The following RELT variants were observed in gnomAD, a reference collection of about 807,000 sequenced individuals.
RELT encodes the protein RELT TNF receptor, also known as tumor necrosis factor receptor superfamily member 19L.
Under a neutral mutation model 51.1 loss-of-function variants are expected in RELT, and 37 were observed. The observed-to-expected ratio is 0.72, with a 90% CI of 0.56 to 0.95. The LOEUF (loss-of-function observed/expected upper bound fraction) is 0.95, where lower values mean the gene tolerates loss of function less well. Ranked by LOEUF, RELT falls within the 40% of genes least tolerant of loss-of-function variation. The probability of loss-of-function intolerance (pLI) is 0.00; values close to 1 mark genes in which losing one functional copy is unlikely to be tolerated. For missense variants in RELT, 535 were observed against 572.6 expected (o/e 0.93, Z 0.67); for synonymous variants, 241 against 235.7 (o/e 1.02, Z -0.21).
Position 73,377,430 on chromosome 11 carries a change from C to T in RELT, c.-26+931C>T, listed in dbSNP as rs1033125102. Reference sequence around the variant, plus strand: ...CTCCAGGACTGTCCCCACGAGGGCACCCCTCAGGAGTTCAGCTTGGTGAGG... The same window carrying T: ...CTCCAGGACTGTCCCCACGAGGGCATCCCTCAGGAGTTCAGCTTGGTGAGG... On this transcript the variant is annotated intron_variant, in intron 1 of 10. Transcript: ENST00000064780. Among the ~76,000 whole-genome samples, 8 of 152,168 alleles carry T rather than the reference C, an allele frequency of 5.3e-5. 1 individual carries two copies. In the South Asian group the frequency reaches 6.2e-4, roughly 12 times the overall value.
Position 73,392,807 on chromosome 11 carries a change from C to T in RELT, c.625+339C>T, listed in dbSNP as rs917864953. 5 of 1,224,602 alleles carry T rather than the reference C, an allele frequency of 4.1e-6. No homozygotes were observed. In the Admixed American group the frequency reaches 1.1e-4, roughly 27 times the overall value. The allele number at this position is 1,224,602 out of a possible 1,614,324, so 75.9% of individuals were successfully genotyped here. ...TGGCCTTGGAGTTACTCAAGGTGAC[C>T]TCTGACCTCTGGCCTGGAGTAGCAG... On this transcript the variant is annotated intron_variant, in intron 6 of 10. Transcript: ENST00000064780.
chr11:73,392,899 C>T (rs1257732007), intron 6 of RELT: 27 of 1,030,326 alleles, frequency 2.6e-5, no homozygotes, highest in Non-Finnish European at 3.2e-5. Flanking sequence ...ATAAGGGGCT[C>T]GGGTTTTGGT....
At chr11:73,378,301 C>A (rs1866000822) in intron 1 of RELT, among the ~76,000 whole-genome samples, 1 of 151,820 alleles carries the variant, frequency 6.6e-6, no homozygotes, top group Non-Finnish European at 1.5e-5. Flanking sequence ...CTGTCTTCTG[C>A]TGTCGTCCTC....
intron 4 of RELT, 39 bp downstream of exon 4, chr11:73,390,960 T>A: frequency 6.3e-7 from 1 of 1,597,030 alleles, no homozygotes; most frequent in Non-Finnish European, 8.5e-7. Context: ...CCTGGCTGGG[T>A]GACCAGGACT....
intron 4 of RELT, 65 bp downstream of exon 4, chr11:73,390,986 C>G: frequency 6.3e-7 from 1 of 1,585,114 alleles, no homozygotes; most frequent in Admixed American, 1.9e-5. Context: ...TCCTGGGGCC[C>G]CAGCCTTATT....
At position 73,394,399 on chromosome 11, in the gene RELT, C is replaced by T; in HGVS notation, c.789-78C>T. On this transcript the variant is annotated intron_variant, in intron 8 of 10. Coordinates refer to ENST00000064780, the MANE Select transcript of RELT (RefSeq NM_152222.2). The surrounding 1 kb of genome is among the most constrained non-coding windows in gnomAD (Gnocchi z 4.9). ...CTGGGGATCTCCCACTTGGGTCTCCCTCAAGTCACCCTGTTCCCTGCTGGG... is the reference window on the plus strand; with the variant it reads ...CTGGGGATCTCCCACTTGGGTCTCCTTCAAGTCACCCTGTTCCCTGCTGGG... 23 of 1,609,848 alleles carry T rather than the reference C, an allele frequency of 1.4e-5. No individual in the cohort carries two copies. The South Asian group carries it at 2.5e-4, about 18-fold the overall frequency.
At chr11:73,384,848 C>T (rs1213171691) in intron 1 of RELT, among the ~76,000 whole-genome samples, 1 of 152,150 alleles carries the variant, frequency 6.6e-6, no homozygotes. Context: ...CTGCATGGCA[C>T]CATGAATGCT....
Position 73,397,387 on chromosome 11 carries a change from TCCAACCCGGCCCAA to T in RELT, c.*1897_*1910del, listed in dbSNP as rs1370725422. 6.6e-6 allele frequency: 1 copy of T among 152,280 alleles called. No homozygotes were observed. The highest frequency in any genetic ancestry group is 1.5e-5 in the Non-Finnish European group (1 of 68,044). 9.4% of individuals were successfully genotyped at this position (152,280 alleles called of 1,614,324 possible). ...CCATCTAAAATTCCTAGGGCAAGCTTCCAACCCGGCCCAAGGGCCGCATGTGGCCCAGGATATGG... is the reference window on the plus strand; with the variant it reads ...CCATCTAAAATTCCTAGGGCAAGCTTGGGCCGCATGTGGCCCAGGATATGG... On this transcript the variant is annotated 3_prime_UTR_variant, in exon 11 of 11. Transcript: ENST00000064780.
At chr11:73,392,900 G>A (rs1028901921) in intron 6 of RELT, 22 of 1,035,364 alleles carry the variant, frequency 2.1e-5, no homozygotes, top group Middle Eastern at 4.7e-4. Context: ...TAAGGGGCTC[G>A]GGTTTTGGTT....
At chr11:73,393,766 G>T in intron 6 of RELT, 71 bp from the exon 7 acceptor site, 1 of 1,578,380 alleles carries the variant, frequency 6.3e-7, no homozygotes, top group Non-Finnish European at 8.7e-7. Context: ...CCCTCTGCTG[G>T]CAGATCATGG....
chr11:73,394,260 T>G lies in RELT; in HGVS notation c.731T>G (p.Leu244Arg). ...KKENAAALEE[L>R]LKEYHSKQLV... ...GAGAATGCTGCGGCCCTGGAGGAGC[T>G]GCTGAAAGAGTACCACAGCAAACAG... The change falls in exon 8 of 11, where the codon CTG (leucine) becomes CGG (arginine). Residue 244 changes from leucine to arginine, a missense_variant. Leu to Arg is a moderately radical substitution (Grantham distance 102). Coordinates refer to ENST00000064780, the MANE Select transcript of RELT (RefSeq NM_152222.2). The surrounding 1 kb of genome is among the most constrained non-coding windows in gnomAD (Gnocchi z 4.9). 1 of 1,610,824 alleles carries G rather than the reference T, an allele frequency of 6.2e-7. No homozygotes were observed. The highest frequency in any genetic ancestry group is 2.2e-5 in the East Asian group (1 of 44,818).
At chr11:73,392,119 T>C in intron 5 of RELT, 92 bp from the exon 6 acceptor site, 1 of 1,452,314 alleles carries the variant, frequency 6.9e-7, no homozygotes, top group Non-Finnish European at 9.3e-7. Context: ...TTGGCTCTCC[T>C]GCAGCCCCCA....
chr11:73,395,190 C>A lies in RELT; in HGVS notation c.1150C>A (p.Pro384Thr), dbSNP rs140882608. ...GPSWGDLPDS[P>T]QPGLPPEQQA... ...CTCGTGGGGTGATCTCCCTGACTCCCCACAGCCTGGCCTCCCCCCTGAGCA... is the reference window on the plus strand; with the variant it reads ...CTCGTGGGGTGATCTCCCTGACTCCACACAGCCTGGCCTCCCCCCTGAGCA... Residue 384 changes from proline to threonine, a missense_variant, in exon 10 of 11, where the codon CCA (proline) becomes ACA (threonine). Coordinates refer to ENST00000064780, the MANE Select transcript of RELT (RefSeq NM_152222.2). 1.9e-6 allele frequency: 3 copies of A among 1,613,150 alleles called. No individual in the cohort carries two copies. Among genetic ancestry groups the A allele is most frequent in the Non-Finnish European group, 2.5e-6 (3 of 1,179,940 alleles).
chr11:73,383,800 G>A (rs116586455), intron 1 of RELT, among the ~76,000 whole-genome samples: 1 of 152,240 alleles, frequency 6.6e-6, no homozygotes, highest in Non-Finnish European at 1.5e-5. Context: ...CCTGCACAGG[G>A]CTGGGGTCCA....
chr11:73,393,236 A>G, intron 6 of RELT: 1 of 1,003,514 alleles, frequency 1.0e-6, no homozygotes, highest in African/African-American at 1.7e-5. Flanking sequence ...GTGGTGACTC[A>G]GGGCCATTTT....
intron 1 of RELT, among the ~76,000 whole-genome samples, chr11:73,387,237 C>G (rs1266736288): frequency 1.3e-5 from 2 of 152,200 alleles, no homozygotes; most frequent in Non-Finnish European, 2.9e-5. Flanking sequence ...GCCACCATGC[C>G]TGCCACAGCC....
At chr11:73,387,679 A>C (rs60924672) in intron 1 of RELT, among the ~76,000 whole-genome samples, 12,029 of 152,224 alleles carry the variant, frequency 0.079, 616 homozygotes, top group Non-Finnish European at 0.11. Context: ...GTGTAACTCA[A>C]ACCCTGGGCC....
intron 1 of RELT, among the ~76,000 whole-genome samples, chr11:73,382,711 G>A (rs1487704881): frequency 6.6e-6 from 1 of 152,180 alleles, no homozygotes; most frequent in Non-Finnish European, 1.5e-5. Flanking sequence ...TCTGTGTGAA[G>A]CATGGAACAC....
chr11:73,384,780 G>A (rs909059531), intron 1 of RELT, among the ~76,000 whole-genome samples: 2 of 152,338 alleles, frequency 1.3e-5, no homozygotes, highest in East Asian at 3.9e-4. Context: ...ACCCGCCCAG[G>A]TCGGCACTGG....
Sources: allele counts gnomAD v4.1 joint callset (sites outside exome capture counted in the v4.1 genomes callset), GRCh38; gene constraint gnomAD v4.1.1; non-coding constraint Gnocchi (gnomAD v3.1); transcripts MANE v1.5; gene names NCBI Gene and HGNC (gene_info 2026-07-23, HGNC 2026-07-21).